PRR5L: variants seen among roughly 807,000 people sequenced by gnomAD.
PRR5L encodes proline rich 5 like.
In PRR5L, 21 loss-of-function variants were observed where a neutral mutation model predicts 36.4. The ratio of observed to expected loss-of-function variants is 0.58; its 90% confidence interval spans 0.41 to 0.83. The LOEUF (loss-of-function observed/expected upper bound fraction) is 0.83. Among genes scored for constraint, PRR5L ranks in the 40% least tolerant of loss-of-function variants. PRR5L has a pLI of 0.00. For missense variants in PRR5L, 381 were observed against 473.3 expected, an observed-to-expected ratio of 0.80 and a Z score of 1.81; for synonymous variants, 188 against 197.0, an observed-to-expected ratio of 0.95 and a Z score of 0.38.
chr11:36,319,482 C>A (rs1201759970), intron 1 of PRR5L, among the ~76,000 whole-genome samples: 1 of 152,186 alleles, frequency 6.6e-6, no homozygotes, highest in Non-Finnish European at 1.5e-5. Flanking sequence ...ATAGTAAGGG[C>A]TTTAGGCTTT....
chr11:36,437,511 C>A, intron 6 of PRR5L, 35 bp downstream of exon 6: 2 of 1,327,714 alleles, frequency 1.5e-6, no homozygotes, highest in Non-Finnish European at 2.1e-6. Flanking sequence ...CTGCCATCCT[C>A]AGCGATCTGT....
At chr11:36,307,094 A>G (rs1856442336) in intron 1 of PRR5L, among the ~76,000 whole-genome samples, 1 of 152,176 alleles carries the variant, frequency 6.6e-6, no homozygotes, top group Admixed American at 6.5e-5. Flanking sequence ...AAATCTAAAC[A>G]TGAAGGAAGT....
intron 8 of PRR5L, among the ~76,000 whole-genome samples, chr11:36,462,091 G>A (rs1564956928): frequency 6.6e-6 from 1 of 152,184 alleles, no homozygotes; most frequent in Non-Finnish European, 1.5e-5. Context: ...TATCTGTCAA[G>A]GAAAGTCTGT....
Position 36,372,012 on chromosome 11 carries a change from C to T in PRR5L, c.-125-28985C>T, listed in dbSNP as rs1354299174. On this transcript the variant is annotated intron_variant, in intron 1 of 8. Transcript: ENST00000530639. ...GGCAGAATTTGCAGGGAGCCAAGAT[C>T]GTGCCACTGCACTCCAGCCTGGGTG... 6.6e-5 allele frequency among the ~76,000 whole-genome samples: 10 copies of T among 152,160 alleles called. No individual in the cohort carries two copies. The East Asian group carries it at 1.4e-3, about 21-fold the overall frequency.
At chr11:36,405,044 T>C (rs770807765) in intron 3 of PRR5L, among the ~76,000 whole-genome samples, 4 of 152,176 alleles carry the variant, frequency 2.6e-5, no homozygotes, top group Non-Finnish European at 5.9e-5. Flanking sequence ...GCTAATTGTT[T>C]TTCACTTTGG....
intron 2 of PRR5L, among the ~76,000 whole-genome samples, 163 bp downstream of exon 2, chr11:36,401,448 AG>A (rs370204116): frequency 3.9e-5 from 6 of 152,238 alleles, no homozygotes; most frequent in African/African-American, 1.4e-4. Flanking sequence ...TTTAAGAGAC[AG>A]GGTCTCACTC....
chr11:36,454,975 G>T (rs1859022498), intron 8 of PRR5L, among the ~76,000 whole-genome samples: 1 of 152,236 alleles, frequency 6.6e-6, no homozygotes, highest in Admixed American at 6.5e-5. Flanking sequence ...GCTGGCCTTT[G>T]CCCCATCTTT....
chr11:36,378,016 C>G (rs11033579), intron 1 of PRR5L, among the ~76,000 whole-genome samples: 2 of 152,306 alleles, frequency 1.3e-5, no homozygotes, highest in East Asian at 3.9e-4. Flanking sequence ...GGGACCCTTG[C>G]TGATCAAGCC....
chr11:36,360,578 C>G (rs1857076691), intron 1 of PRR5L, among the ~76,000 whole-genome samples: 1 of 152,156 alleles, frequency 6.6e-6, no homozygotes, highest in Non-Finnish European at 1.5e-5. Context: ...AACACACACA[C>G]CCACATGCAT....
At chr11:36,365,745 A>G (rs1857137997) in intron 1 of PRR5L, among the ~76,000 whole-genome samples, 1 of 152,206 alleles carries the variant, frequency 6.6e-6, no homozygotes, top group Non-Finnish European at 1.5e-5. Context: ...CTCTGGTAAT[A>G]CAAGTATTAT....
intron 1 of PRR5L, among the ~76,000 whole-genome samples, chr11:36,302,948 A>C (rs909725712): frequency 6.6e-6 from 1 of 152,200 alleles, no homozygotes; most frequent in African/African-American, 2.4e-5. Context: ...TATTTATGAG[A>C]GAAGCCAGCC....
At chr11:36,392,062 G>A (rs1033657969) in intron 1 of PRR5L, among the ~76,000 whole-genome samples, 1 of 152,170 alleles carries the variant, frequency 6.6e-6, no homozygotes, top group African/African-American at 2.4e-5. Context: ...ATGAGAACAT[G>A]TGAAGTCTGT....
intron 3 of PRR5L, among the ~76,000 whole-genome samples, chr11:36,410,495 A>G (rs1858001738): frequency 1.3e-5 from 2 of 152,258 alleles, no homozygotes; most frequent in Middle Eastern, 3.4e-3. Flanking sequence ...CCCCTGGCAA[A>G]GCTCTGAGCA....
chr11:36,419,414 G>T, intron 4 of PRR5L, 111 bp downstream of exon 4: 1 of 924,040 alleles, frequency 1.1e-6, no homozygotes, highest in East Asian at 2.4e-5. Context: ...ACAAAATTAC[G>T]TATCTCAAGT....
At chr11:36,329,221 C>T (rs1856695015) in intron 1 of PRR5L, 1 of 152,044 alleles carries the variant, frequency 6.6e-6, no homozygotes, top group Non-Finnish European at 1.5e-5. Flanking sequence ...ATGGTTATTT[C>T]CTTGAGCATG....
chr11:36,379,354 C>A (rs1286755691), intron 1 of PRR5L: 1 of 149,552 alleles, frequency 6.7e-6, no homozygotes, highest in Non-Finnish European at 1.5e-5. Context: ...TAAATTGCAG[C>A]CTTTTTCCTT....
chr11:36,365,396 T>A (rs753754432), intron 1 of PRR5L, among the ~76,000 whole-genome samples: 3 of 152,226 alleles, frequency 2.0e-5, no homozygotes, highest in Non-Finnish European at 4.4e-5. Flanking sequence ...GAAGCAAGTT[T>A]GACTGACAGG....
chr11:36,325,179 C>A (rs1170922647), intron 1 of PRR5L, among the ~76,000 whole-genome samples: 1 of 152,184 alleles, frequency 6.6e-6, no homozygotes, highest in African/African-American at 2.4e-5. Flanking sequence ...CGGAAGAGAA[C>A]CGTGGAACCC....
chr11:36,461,795 A>G (rs1214046632), intron 8 of PRR5L, among the ~76,000 whole-genome samples: 1 of 152,074 alleles, frequency 6.6e-6, no homozygotes, highest in East Asian at 1.9e-4. Context: ...CTGGCAGGAG[A>G]TGAGGGCCAT....
Sources: allele counts gnomAD v4.1 joint callset (sites outside exome capture counted in the v4.1 genomes callset), GRCh38; gene constraint gnomAD v4.1.1; transcripts MANE v1.5; gene names NCBI Gene and HGNC (gene_info 2026-07-23, HGNC 2026-07-21).